NDRG3: variants seen among roughly 807,000 people sequenced by gnomAD.
NDRG3 encodes protein NDRG3.
Under a neutral mutation model 57.2 loss-of-function variants are expected in NDRG3, and 23 were observed. The observed-to-expected ratio is 0.40, with a 90% CI of 0.29 to 0.57. The LOEUF is 0.57. NDRG3 is among the 20% of genes least tolerant of loss of function. NDRG3 has a pLI of 0.42. For synonymous variants in NDRG3, 132 were observed against 162.6 expected, an observed-to-expected ratio of 0.81 and a Z score of 1.43; for missense variants, 384 against 457.3, an observed-to-expected ratio of 0.84 and a Z score of 1.46.
intron 3 of NDRG3, among the ~76,000 whole-genome samples, chr20:36,703,617 A>AT (rs1383747654): frequency 2.0e-5 from 3 of 151,658 alleles, no homozygotes; most frequent in Non-Finnish European, 4.4e-5. Flanking sequence ...CTAATTTTTT[A>AT]TTTTTTAATT....
chr20:36,675,743 A>G (rs1980631714), intron 8 of NDRG3, among the ~76,000 whole-genome samples: 1 of 151,952 alleles, frequency 6.6e-6, no homozygotes, highest in Admixed American at 6.6e-5. Flanking sequence ...GCTGGTCTCT[A>G]ACTCGTGGGC....
intron 3 of NDRG3, among the ~76,000 whole-genome samples, chr20:36,697,535 C>T (rs953199686): frequency 6.6e-6 from 1 of 152,070 alleles, no homozygotes; most frequent in Admixed American, 6.6e-5. Flanking sequence ...GGCGAAACCC[C>T]ATCTCTACTA....
Position 36,680,834 on chromosome 20 carries a change from A to C in NDRG3, c.513T>G (p.Ile171Met), listed in dbSNP as rs775354369. The C allele has an allele frequency of 6.2e-7, 1 of 1,614,120 alleles. No homozygotes were observed. Among genetic ancestry groups the C allele is most frequent in the South Asian group, 1.1e-5 (1 of 91,082 alleles). The change falls in exon 8 of 16, where the codon ATT becomes ATG. Residue 171 changes from isoleucine to methionine, a missense_variant. Ile to Met is a conservative substitution (Grantham distance 10, BLOSUM62 1). Transcript: ENST00000349004. ...TACTTACTTTGGAAGCTGCCCAGTC[A>C]ATCCAGCCTTTAGCGCAAGGGTCAA... The part of the protein sequence containing the change: ...INVDPCAKGW[I>M]DWAASKLSGL...
intron 2 of NDRG3, among the ~76,000 whole-genome samples, 156 bp from the exon 3 acceptor site, chr20:36,707,163 G>T (rs1398206232): frequency 6.6e-6 from 1 of 152,216 alleles, no homozygotes; most frequent in African/African-American, 2.4e-5. Flanking sequence ...GGCAGAGTGG[G>T]TTATGAACAT....
At chr20:36,734,873 A>G (rs1172303765) in intron 1 of NDRG3, among the ~76,000 whole-genome samples, 1 of 152,116 alleles carries the variant, frequency 6.6e-6, no homozygotes, top group Non-Finnish European at 1.5e-5. Context: ...ACAGAGGTTT[A>G]GGGCATAATC....
rs6101868 is a variant in NDRG3, at chr20:36,701,820, T to C, written c.93+5152A>G. Among the ~76,000 whole-genome samples, 951 of 150,158 alleles carry C rather than the reference T, an allele frequency of 6.3e-3. 12 individuals are homozygous for C. Among genetic ancestry groups the C allele is most frequent in the African/African-American group, 0.022 (890 of 40,690 alleles). ...GCCTCGGCCTCCTAAAGTGCTGGGA[T>C]TACAGGCGTGAGCCACTGTGCCCAG... On this transcript the variant is annotated intron_variant, in intron 3 of 15. Coordinates refer to ENST00000349004, the MANE Select transcript of NDRG3 (RefSeq NM_032013.4).
chr20:36,730,656 C>T (rs1361730924), intron 1 of NDRG3, among the ~76,000 whole-genome samples: 1 of 151,498 alleles, frequency 6.6e-6, no homozygotes, highest in African/African-American at 2.4e-5. Flanking sequence ...GTAAAAATAG[C>T]ACAAGGTTGG....
At chr20:36,744,974 G>A (rs1429638598) in intron 1 of NDRG3, among the ~76,000 whole-genome samples, 2 of 151,384 alleles carry the variant, frequency 1.3e-5, no homozygotes, top group South Asian at 2.1e-4. Context: ...GTAAGGGGGG[G>A]GGGGGGCGCG....
chr20:36,735,325 T>C (rs1985547974), intron 1 of NDRG3, among the ~76,000 whole-genome samples: 1 of 152,200 alleles, frequency 6.6e-6, no homozygotes, highest in Admixed American at 6.5e-5. Context: ...GATTTTAGAT[T>C]TTCAGATTAG....
At chr20:36,684,666 A>G (rs965626390) in intron 5 of NDRG3, among the ~76,000 whole-genome samples, 191 bp from the exon 6 acceptor site, 12 of 152,152 alleles carry the variant, frequency 7.9e-5, no homozygotes, top group Admixed American at 3.3e-4. Flanking sequence ...CCTGACCAAC[A>G]TGGAGAAACC....
At chr20:36,689,761 C>T (rs1360725271) in intron 3 of NDRG3, among the ~76,000 whole-genome samples, 4 of 150,582 alleles carry the variant, frequency 2.7e-5, no homozygotes, top group Non-Finnish European at 4.4e-5. Context: ...CGCTCCGTCA[C>T]CCAGGCTGGA....
At chr20:36,745,948 C>G in intron 1 of NDRG3, 97 bp downstream of exon 1, 2 of 279,986 alleles carry the variant, frequency 7.1e-6, no homozygotes, top group South Asian at 1.5e-4. Context: ...CTCGCCGTGC[C>G]GCGGAGATGA....
At chr20:36,665,454 G>C (rs1231446334) in intron 10 of NDRG3, among the ~76,000 whole-genome samples, 153 bp from the exon 11 acceptor site, 2 of 152,104 alleles carry the variant, frequency 1.3e-5, no homozygotes, top group African/African-American at 4.8e-5. Context: ...CTTGGTTCTT[G>C]AGTCGCCATT....
chr20:36,701,882 G>T (rs79229404), intron 3 of NDRG3, among the ~76,000 whole-genome samples: 1 of 141,262 alleles, frequency 7.1e-6, no homozygotes, highest in Non-Finnish European at 1.5e-5. Flanking sequence ...AAAAAAAAAA[G>T]CCTTTTAAGA....
rs1249189567 is a variant in NDRG3, at chr20:36,703,462, A to ATG, written c.93+3508_93+3509dup. On this transcript the variant is annotated intron_variant, in intron 3 of 15. Coordinates refer to ENST00000349004, the MANE Select transcript of NDRG3 (RefSeq NM_032013.4). ...TCTATCTATCTATCTATCTATCTAT[A>ATG]TGTGTGTGTGTGTGTAATATATAGA... 8.5e-5 allele frequency among the ~76,000 whole-genome samples: 12 copies of ATG among 140,712 alleles called. 1 individual carries two copies. The highest frequency in any genetic ancestry group is 3.5e-4 in the Admixed American group (5 of 14,216). 92.3% of individuals were successfully genotyped at this position (140,712 alleles called of 152,430 possible). A position where few individuals can be genotyped will look rare whatever the true frequency, so the allele number is the denominator to read the frequency against.
At chr20:36,732,361 G>A (rs1410613163) in intron 1 of NDRG3, among the ~76,000 whole-genome samples, 2 of 152,180 alleles carry the variant, frequency 1.3e-5, no homozygotes, top group African/African-American at 4.8e-5. Context: ...TTTAAAGCGT[G>A]ATAATACAGA....
At chr20:36,699,627 C>T (rs753419009) in intron 3 of NDRG3, among the ~76,000 whole-genome samples, 2 of 152,002 alleles carry the variant, frequency 1.3e-5, no homozygotes, top group Non-Finnish European at 2.9e-5. Context: ...TCTGGCTCTA[C>T]GCATAGCAGG....
intron 1 of NDRG3, among the ~76,000 whole-genome samples, chr20:36,743,100 C>T (rs909568781): frequency 6.6e-6 from 1 of 152,210 alleles, no homozygotes; most frequent in Non-Finnish European, 1.5e-5. Context: ...GACTATCCTA[C>T]TGCAACATGC....
At chr20:36,743,023 A>T (rs1985992639) in intron 1 of NDRG3, among the ~76,000 whole-genome samples, 1 of 152,214 alleles carries the variant, frequency 6.6e-6, no homozygotes, top group Non-Finnish European at 1.5e-5. Flanking sequence ...TCAGCCACAG[A>T]GGGCAAAAGA....
Sources: gnomAD v4.1 joint callset for allele counts (sites outside exome capture counted in the v4.1 genomes callset) on GRCh38, gnomAD v4.1.1 for gene constraint, MANE v1.5 for transcripts, NCBI Gene and HGNC (gene_info 2026-07-23, HGNC 2026-07-21) for gene names.